The following PUDP variants were observed in gnomAD, a reference collection of about 807,000 sequenced individuals.
The protein encoded by PUDP is pseudouridine-5'-phosphatase.
Under a neutral mutation model 9.4 loss-of-function variants are expected in PUDP, and 8 were observed. The observed-to-expected ratio is 0.85, with a 90% CI of 0.50 to 1.53. PUDP has a LOEUF of 1.53. PUDP is among the 40% of genes most tolerant of loss of function. The probability of loss-of-function intolerance (pLI) is 0.00; values close to 1 mark genes in which losing one functional copy is unlikely to be tolerated. For missense variants in PUDP, 188 were observed against 189.7 expected, an observed-to-expected ratio of 0.99 and a Z score of 0.05; for synonymous variants, 99 against 80.7, an observed-to-expected ratio of 1.23 and a Z score of -1.22.
chrX:6,733,069 G>A (rs1924829369), intron 3 of PUDP, among the ~76,000 whole-genome samples: 1 of 112,629 alleles, frequency 8.9e-6, no homozygotes, highest in African/African-American at 3.2e-5. Flanking sequence ...GGCATGGATT[G>A]AGCCACTGGG....
intron 3 of PUDP, among the ~76,000 whole-genome samples, chrX:6,883,581 G>A (rs1259124890): frequency 9.2e-6 from 1 of 108,120 alleles, no homozygotes; most frequent in Admixed American, 1.0e-4. Context: ...TAACAAATTC[G>A]TCTCATTGAT....
chrX:7,094,961 G>A (rs1308230421), intron 2 of PUDP, among the ~76,000 whole-genome samples: 2 of 111,861 alleles, frequency 1.8e-5, no homozygotes, highest in Non-Finnish European at 3.8e-5. Flanking sequence ...TCCAGCGACT[G>A]AGAATCAGCT....
intron 3 of PUDP, among the ~76,000 whole-genome samples, chrX:6,883,778 T>C (rs1019559145): frequency 3.6e-5 from 4 of 112,082 alleles, no homozygotes; most frequent in African/African-American, 6.5e-5. Flanking sequence ...CTATGAGTAA[T>C]AGAGGTAGTA....
intron 3 of PUDP, among the ~76,000 whole-genome samples, chrX:7,069,571 A>G (rs1413873823): frequency 9.0e-6 from 1 of 110,527 alleles, no homozygotes; most frequent in African/African-American, 3.3e-5. Context: ...GTTGGGGAGA[A>G]GCAGATGGGG....
intron 2 of PUDP, among the ~76,000 whole-genome samples, chrX:6,977,736 C>T (rs1294424503): frequency 8.9e-6 from 1 of 112,286 alleles, no homozygotes; most frequent in Non-Finnish European, 1.9e-5. Context: ...GAGGCTCTAC[C>T]AGCTGAGGCT....
intron 1 of PUDP, 117 bp from the exon 2 acceptor site, chrX:7,105,955 G>C: frequency 2.0e-6 from 1 of 490,153 alleles, no homozygotes; most frequent in Non-Finnish European, 3.3e-6. Context: ...GGCTTTTGTG[G>C]AGACCTAAGT....
At chrX:6,976,306 C>T (rs777812920) in intron 3 of PUDP, among the ~76,000 whole-genome samples, 20 of 111,955 alleles carry the variant, frequency 1.8e-4, no homozygotes, top group African/African-American at 6.5e-4. Flanking sequence ...CAGTTTTGTG[C>T]TTGAAACCCA....
chrX:6,954,151 T>A (rs1039445844), intron 3 of PUDP, among the ~76,000 whole-genome samples: 4 of 111,126 alleles, frequency 3.6e-5, no homozygotes, highest in African/African-American at 9.8e-5. Flanking sequence ...CTTTTTCCTA[T>A]ATAAATTACC....
chrX:6,716,305 G>A (rs1454086454), intron 1 of PUDP, among the ~76,000 whole-genome samples: 1 of 111,381 alleles, frequency 9.0e-6, no homozygotes, highest in East Asian at 2.8e-4. Context: ...ATTCATATCT[G>A]TGCTGATTAT....
chrX:7,075,657 A>C (rs778494867), intron 3 of PUDP, among the ~76,000 whole-genome samples: 1 of 111,293 alleles, frequency 9.0e-6, no homozygotes, highest in African/African-American at 3.3e-5. Context: ...AAAAACCTCT[A>C]CATAAGGGGC....
At chrX:6,876,503 TA>T (rs1382663660) in intron 3 of PUDP, among the ~76,000 whole-genome samples, 1 of 110,544 alleles carries the variant, frequency 9.0e-6, no homozygotes, top group Admixed American at 9.7e-5. Flanking sequence ...CATATACACA[TA>T]AACATATAGA....
chrX:7,027,421 C>T (rs191961290), intron 1 of PUDP, among the ~76,000 whole-genome samples: 78 of 109,294 alleles, frequency 7.1e-4, no homozygotes, highest in African/African-American at 2.5e-3. Flanking sequence ...CCTAAGATAA[C>T]TTTTTCACAC....
chrX:6,858,944 T>A (rs1352745911), intron 3 of PUDP, among the ~76,000 whole-genome samples: 1 of 112,034 alleles, frequency 8.9e-6, no homozygotes, highest in Non-Finnish European at 1.9e-5. Flanking sequence ...CCATATCTCA[T>A]CATGAATTGT....
chrX:6,793,464 A>C (rs1267888208), intron 3 of PUDP, among the ~76,000 whole-genome samples: 2 of 112,092 alleles, frequency 1.8e-5, no homozygotes, highest in African/African-American at 3.2e-5. Flanking sequence ...TTAAGTTCCA[A>C]CATTAATCTT....
intron 3 of PUDP, among the ~76,000 whole-genome samples, chrX:6,757,310 C>A (rs758340868): frequency 9.1e-6 from 1 of 110,240 alleles, no homozygotes; most frequent in Non-Finnish European, 1.9e-5. Context: ...AAGAAATTTA[C>A]GAGGCAGAGG....
At chrX:7,145,450 ATCT>A (rs777849566) in intron 1 of PUDP, among the ~76,000 whole-genome samples, 3 of 111,677 alleles carry the variant, frequency 2.7e-5, no homozygotes, top group African/African-American at 9.7e-5. Flanking sequence ...AATAATTGTC[ATCT>A]TCTTATTTCA....
intron 3 of PUDP, among the ~76,000 whole-genome samples, chrX:6,962,366 A>G (rs995759775): frequency 2.7e-5 from 3 of 112,523 alleles, no homozygotes; most frequent in Non-Finnish European, 5.6e-5. Context: ...AAATTTAACA[A>G]GCTCACAATT....
chrX:6,876,702 T>C, intron 3 of PUDP, among the ~76,000 whole-genome samples: 1 of 108,905 alleles, frequency 9.2e-6, no homozygotes, highest in Non-Finnish European at 1.9e-5. Flanking sequence ...CATATATGTG[T>C]CTATACATAT....
intron 3 of PUDP, among the ~76,000 whole-genome samples, chrX:6,837,399 T>C (rs1926598944): frequency 8.8e-6 from 1 of 113,076 alleles, no homozygotes; most frequent in African/African-American, 3.2e-5. Context: ...CCTGCCATAA[T>C]GGCATGATGG....
Sources: gnomAD v4.1 joint callset for allele counts (sites outside exome capture counted in the v4.1 genomes callset) on GRCh38, gnomAD v4.1.1 for gene constraint, MANE v1.5 for transcripts, NCBI Gene and HGNC (gene_info 2026-07-23, HGNC 2026-07-21) for gene names.